PPP2R1A: variants seen among roughly 807,000 people sequenced by gnomAD.
The protein encoded by PPP2R1A is serine/threonine-protein phosphatase 2A 65 kDa regulatory subunit A alpha isoform.
In PPP2R1A, 15 loss-of-function variants were observed where a neutral mutation model predicts 67.1. The ratio of observed to expected loss-of-function variants is 0.22; its 90% CI spans 0.15 to 0.34. PPP2R1A has a LOEUF of 0.34. Ranked by LOEUF, PPP2R1A falls within the 10% of genes least tolerant of loss-of-function variation. The probability of loss-of-function intolerance (pLI) is 1.00; values close to 1 mark genes in which losing one functional copy is unlikely to be tolerated. For synonymous variants in PPP2R1A, 337 were observed against 325.0 expected, an observed-to-expected ratio of 1.04 and a Z score of -0.40; for missense variants, 369 against 775.0, an observed-to-expected ratio of 0.48 and a Z score of 6.22.
chr19:52,223,694 T>TA (rs1439793764), intron 13 of PPP2R1A, among the ~76,000 whole-genome samples: 1 of 152,148 alleles, frequency 6.6e-6, no homozygotes, highest in Non-Finnish European at 1.5e-5. Context: ...CAGCCAACAT[T>TA]AAAAAAGACT....
At position 52,219,946 on chromosome 19, in the gene PPP2R1A, C is replaced by A; in HGVS notation, c.1302+82C>A. On this transcript the variant is annotated intron_variant, in intron 10 of 14. Transcript: ENST00000322088. The surrounding 1 kb of genome is among the most constrained non-coding windows in gnomAD (Gnocchi z 4.0). Reference sequence around the variant, plus strand: ...CCAGGGCTGTGATGGGGAAACGGGGCTTTGAAGGCTTAGTGGAGGCTGTGA... The same window carrying A: ...CCAGGGCTGTGATGGGGAAACGGGGATTTGAAGGCTTAGTGGAGGCTGTGA... 1 of 1,479,358 alleles carries A rather than the reference C, an allele frequency of 6.8e-7. No homozygotes were observed. The highest frequency in any genetic ancestry group is 1.3e-5 in the South Asian group (1 of 76,374). 91.6% of individuals were successfully genotyped at this position (1,479,358 alleles called of 1,614,324 possible). A position where few individuals can be genotyped will look rare whatever the true frequency, so the allele number is the denominator to read the frequency against.
chr19:52,191,812 AG>A (rs1256910160), intron 1 of PPP2R1A, among the ~76,000 whole-genome samples: 2 of 152,242 alleles, frequency 1.3e-5, no homozygotes, highest in Non-Finnish European at 2.9e-5. Context: ...GATGTGAAAC[AG>A]GTCAGCAGAG....
chr19:52,213,261 T>C lies in PPP2R1A; in HGVS notation c.807+151T>C. The C allele has an allele frequency of 1.9e-6, 2 of 1,043,222 alleles. No individual in the cohort carries two copies. The allele number at this position is 1,043,222 out of a possible 1,614,324, so 64.6% of individuals were successfully genotyped here. Reference sequence around the variant, plus strand: ...CTATGATCATCTAACTGCGTCTCGCTTCGTGTGCCAATCCTGGTTGATTGA... The same window carrying C: ...CTATGATCATCTAACTGCGTCTCGCCTCGTGTGCCAATCCTGGTTGATTGA... On this transcript the variant is annotated intron_variant, in intron 6 of 14. Coordinates refer to ENST00000322088, the MANE Select transcript of PPP2R1A (RefSeq NM_014225.6). This position sits in a 1 kb window ranked among gnomAD's most constrained non-coding sequence, Gnocchi z 4.2.
chr19:52,220,361 C>T (rs1978842403), intron 11 of PPP2R1A, 112 bp downstream of exon 11: 3 of 1,170,414 alleles, frequency 2.6e-6, no homozygotes, highest in South Asian at 2.5e-5. Context: ...CCCCACGCCG[C>T]TGGATGCTCG....
intron 11 of PPP2R1A, 92 bp downstream of exon 11, chr19:52,220,341 T>A: frequency 7.3e-7 from 1 of 1,363,388 alleles, no homozygotes; most frequent in Non-Finnish European, 1.0e-6. Context: ...TGGAGGAGGC[T>A]AGAGTCACTC....
chr19:52,198,628 G>T lies in PPP2R1A; in HGVS notation c.79-3316G>T, dbSNP rs572593064. Among the ~76,000 whole-genome samples, 107 of 152,286 alleles carry T rather than the reference G, an allele frequency of 7.0e-4. 1 individual carries two copies. The highest frequency in any genetic ancestry group is 6.9e-3 in the Admixed American group (106 of 15,294). On this transcript the variant is annotated intron_variant, in intron 1 of 14. Transcript: ENST00000322088. ...TGGGGATGCCACCCTCCAAGAATGT[G>T]CATGTTCTGCTATCAGGAAGCTCTC...
chr19:52,194,088 CAAAAAAA>C (rs915576804), intron 1 of PPP2R1A, among the ~76,000 whole-genome samples: 666 of 60,532 alleles, frequency 0.011, 9 homozygotes, highest in South Asian at 0.021. Flanking sequence ...ACCCTGTCTC[CAAAAAAA>C]AAAAAAAAAA....
chr19:52,212,674 C>T lies in PPP2R1A; in HGVS notation c.504-12C>T, dbSNP rs2122334050. On this transcript the variant is annotated splice_polypyrimidine_tract_variant and intron_variant, in intron 4 of 14. Coordinates refer to ENST00000322088, the MANE Select transcript of PPP2R1A (RefSeq NM_014225.6). This position sits in a 1 kb window ranked among gnomAD's most constrained non-coding sequence, Gnocchi z 4.1. ...TGCCTGCTGCCTCAGGATCCCCGTC[C>T]CCGACTCCCAGGTACTTCCGGAACC... 6.2e-7 allele frequency: 1 copy of T among 1,611,504 alleles called. No homozygotes were observed. Among genetic ancestry groups the T allele is most frequent in the Non-Finnish European group, 8.5e-7 (1 of 1,179,982 alleles).
intron 9 of PPP2R1A, among the ~76,000 whole-genome samples, chr19:52,218,665 G>A (rs945839524): frequency 7.2e-5 from 11 of 152,084 alleles, no homozygotes; most frequent in African/African-American, 2.7e-4. Flanking sequence ...AATTTGGCAG[G>A]TGAGAGCCCC....
chr19:52,214,274 G>T (rs370209231), intron 6 of PPP2R1A, among the ~76,000 whole-genome samples: 19 of 152,168 alleles, frequency 1.2e-4, no homozygotes, highest in African/African-American at 4.6e-4. Flanking sequence ...AGAGGGCAGG[G>T]TGGGATCAGA....
At chr19:52,206,681 C>T (rs961822025) in intron 3 of PPP2R1A, among the ~76,000 whole-genome samples, 2 of 152,106 alleles carry the variant, frequency 1.3e-5, no homozygotes, top group African/African-American at 4.8e-5. Flanking sequence ...GCCAGGTCCC[C>T]ACCCCACTGC....
At chr19:52,203,583 A>C (rs10406808) in intron 2 of PPP2R1A, among the ~76,000 whole-genome samples, 1 of 152,118 alleles carries the variant, frequency 6.6e-6, no homozygotes, top group African/African-American at 2.4e-5. Flanking sequence ...ACTTTCCTCT[A>C]CTTTCACACC....
At chr19:52,222,016 A>T in intron 12 of PPP2R1A, 83 bp from the exon 13 acceptor site, 1 of 1,404,790 alleles carries the variant, frequency 7.1e-7, no homozygotes, top group Non-Finnish European at 9.6e-7. Context: ...GATGATCACC[A>T]GAGTGGCCTG....
intron 3 of PPP2R1A, among the ~76,000 whole-genome samples, chr19:52,207,687 T>C (rs2089618667): frequency 6.6e-6 from 1 of 152,202 alleles, no homozygotes; most frequent in East Asian, 1.9e-4. Context: ...CCAAGAGCCT[T>C]ACACAGTTGT....
At chr19:52,193,543 C>T (rs1299630855) in intron 1 of PPP2R1A, among the ~76,000 whole-genome samples, 2 of 152,112 alleles carry the variant, frequency 1.3e-5, no homozygotes, top group Non-Finnish European at 2.9e-5. Context: ...AGAAAAATTG[C>T]TGGACGTGGT....
intron 9 of PPP2R1A, among the ~76,000 whole-genome samples, chr19:52,218,843 C>T (rs1161177195): frequency 3.3e-5 from 5 of 152,062 alleles, no homozygotes; most frequent in Admixed American, 1.3e-4. Context: ...CTTCAGCAAG[C>T]GCTATATGGT....
chr19:52,197,832 C>T (rs796239081), intron 1 of PPP2R1A, among the ~76,000 whole-genome samples: 2 of 152,094 alleles, frequency 1.3e-5, no homozygotes, highest in South Asian at 2.1e-4. Flanking sequence ...TGCCTCAAGA[C>T]GGGGGATTCT....
At position 52,225,714 on chromosome 19, in the gene PPP2R1A, C is replaced by T. The variant is rs572638720; in HGVS notation, c.1662-3C>T. ...TCTCTCCCTGTCTCCTTTCGCTTTC[C>T]AGCACCTTGCAGAGTGAAGTCAAGC... is the stretch of plus-strand genomic sequence containing the variant. On this transcript the variant is annotated splice_polypyrimidine_tract_variant and splice_region_variant and intron_variant, in intron 13 of 14. Coordinates refer to ENST00000322088, the MANE Select transcript of PPP2R1A (RefSeq NM_014225.6). 52 of 1,614,008 alleles carry T rather than the reference C, an allele frequency of 3.2e-5. No homozygotes were observed. Among genetic ancestry groups the T allele is most frequent in the Non-Finnish European group, 4.0e-5 (47 of 1,179,888 alleles).
In PPP2R1A at chr19:52,221,085, C is replaced by G. The variant is rs187141962; in HGVS notation, c.1470C>G (p.Ser490=). ...TCATCCCCAAGGTCTTGGCCATGTC[C>G]GGAGACCCCAACTACCTGCACCGCA... is the stretch of plus-strand genomic sequence containing the variant. ...ATIIPKVLAM[S]GDPNYLHRMT... Residue 490 remains serine (S), a synonymous_variant, in exon 12 of 15, where the codon TCC becomes TCG. Coordinates refer to ENST00000322088, the MANE Select transcript of PPP2R1A (RefSeq NM_014225.6). 2.5e-6 allele frequency: 4 copies of G among 1,614,206 alleles called. No homozygotes were observed. The highest frequency in any genetic ancestry group is 3.4e-6 in the Non-Finnish European group (4 of 1,180,026).
Sources: allele counts gnomAD v4.1 joint callset (sites outside exome capture counted in the v4.1 genomes callset), GRCh38; gene constraint gnomAD v4.1.1; non-coding constraint Gnocchi (gnomAD v3.1); transcripts MANE v1.5; gene names NCBI Gene and HGNC (gene_info 2026-07-23, HGNC 2026-07-21).